Variants in ZNF277 observed in about 807,000 individuals in gnomAD.
ZNF277 encodes nuclear receptor-interacting factor 4.
In ZNF277, 55 loss-of-function variants were observed where a neutral mutation model predicts 60.7. The ratio of observed to expected loss-of-function variants is 0.91; its 90% confidence interval spans 0.73 to 1.13. The LOEUF (loss-of-function observed/expected upper bound fraction) is 1.13. Among genes scored for constraint, ZNF277 ranks in the 50% most tolerant of loss-of-function variants. The probability of loss-of-function intolerance (pLI) is 0.00; values close to 1 mark genes in which losing one functional copy is unlikely to be tolerated. For missense variants in ZNF277, 510 were observed against 523.0 expected (o/e 0.98, Z 0.24); for synonymous variants, 178 against 179.3 (o/e 0.99, Z 0.06).
At chr7:112,317,996 G>A (rs1263588966) in intron 4 of ZNF277, among the ~76,000 whole-genome samples, 186 bp from the exon 5 acceptor site, 2 of 152,068 alleles carry the variant, frequency 1.3e-5, no homozygotes, top group African/African-American at 4.8e-5. Context: ...GGAGTGTTCT[G>A]TAAGCATTTT....
intron 4 of ZNF277, among the ~76,000 whole-genome samples, chr7:112,316,841 AC>A (rs1338184779): frequency 1.3e-5 from 2 of 152,076 alleles, no homozygotes; most frequent in African/African-American, 4.8e-5. Context: ...TACTATAAAG[AC>A]ACATGCACAC....
At chr7:112,324,858 T>C (rs1216299591) in intron 5 of ZNF277, among the ~76,000 whole-genome samples, 1 of 152,146 alleles carries the variant, frequency 6.6e-6, no homozygotes, top group Admixed American at 6.6e-5. Context: ...AAGCCAGTGG[T>C]AAATTCAGTC....
At chr7:112,272,588 G>T (rs772731600) in intron 1 of ZNF277, among the ~76,000 whole-genome samples, 5 of 152,178 alleles carry the variant, frequency 3.3e-5, no homozygotes, top group African/African-American at 1.2e-4. Flanking sequence ...CTGCCTCCCA[G>T]ATTCAAACGA....
intron 1 of ZNF277, among the ~76,000 whole-genome samples, chr7:112,228,442 A>G (rs771698690): frequency 7.6e-4 from 95 of 125,620 alleles, no homozygotes; most frequent in Non-Finnish European, 1.4e-3. Context: ...TTCTTTCTGG[A>G]AGAGGAGAGG....
chr7:112,319,785 A>T (rs2117114270), intron 5 of ZNF277, among the ~76,000 whole-genome samples: 1 of 151,654 alleles, frequency 6.6e-6, no homozygotes, highest in South Asian at 2.1e-4. Flanking sequence ...CAGATCAGTT[A>T]GCATAGAGAA....
At chr7:112,287,489 T>TA (rs531657556) in intron 2 of ZNF277, 122 of 144,746 alleles carry the variant, frequency 8.4e-4, no homozygotes, top group South Asian at 1.5e-3. Flanking sequence ...TCCTTAGACT[T>TA]AAAAAAAAAA....
At chr7:112,257,655 T>C (rs982930915) in intron 1 of ZNF277, among the ~76,000 whole-genome samples, 1 of 152,168 alleles carries the variant, frequency 6.6e-6, no homozygotes, top group African/African-American at 2.4e-5. Flanking sequence ...TTCAGCTTGA[T>C]GTTAGAGTAA....
chr7:112,211,795 C>G (rs1363034299), intron 1 of ZNF277, among the ~76,000 whole-genome samples: 1 of 152,208 alleles, frequency 6.6e-6, no homozygotes, highest in Non-Finnish European at 1.5e-5. Flanking sequence ...CCATGTCACA[C>G]TGTAGTTATT....
intron 6 of ZNF277, among the ~76,000 whole-genome samples, chr7:112,329,231 G>A (rs936338916): frequency 6.6e-6 from 1 of 152,096 alleles, no homozygotes; most frequent in African/African-American, 2.4e-5. Context: ...AGTTTCCCAT[G>A]TAAAATATAT....
At chr7:112,211,373 A>G (rs562422875) in intron 1 of ZNF277, among the ~76,000 whole-genome samples, 2 of 152,178 alleles carry the variant, frequency 1.3e-5, no homozygotes, top group Admixed American at 6.5e-5. Flanking sequence ...ATTCATAGCT[A>G]CAGCCACTGT....
rs561602156 is a variant in ZNF277 at position 112,254,981 on chromosome 7, AAAACAAAC to A, written c.92-31880_92-31873del. 1.4e-4 allele frequency among the ~76,000 whole-genome samples: 22 copies of A among 152,234 alleles called. No individual in the cohort carries two copies. In the East Asian group the frequency reaches 1.9e-3, roughly 13 times the overall value. ...GAGCCAGATCCTGTCTCAAAGAAACAAAACAAACAAACAAACAAAAAAAACAAGTGATT... is the reference window on the plus strand; with the variant it reads ...GAGCCAGATCCTGTCTCAAAGAAACAAAACAAACAAAAAAAACAAGTGATT... On this transcript the variant is annotated intron_variant, in intron 1 of 11. Transcript: ENST00000361822.
At position 112,206,810 on chromosome 7, in the gene ZNF277, G is replaced by C. The variant is rs1821493730; in HGVS notation, c.91+3G>C. On this transcript the variant is annotated splice_donor_region_variant and intron_variant, in intron 1 of 11. Coordinates refer to ENST00000361822, the MANE Select transcript of ZNF277 (RefSeq NM_021994.3). ...AGTCGGGGGTGTAGGTTATGGGGGT[G>C]AGTACGGTGCCCCGGAGGCGCGGCT... is the stretch of plus-strand genomic sequence containing the variant. The C allele has an allele frequency of 6.2e-7, 1 of 1,612,696 alleles. No homozygotes were observed. The highest frequency in any genetic ancestry group is 1.3e-5 in the African/African-American group (1 of 74,954).
At chr7:112,313,525 AT>A (rs1019118804) in intron 4 of ZNF277, among the ~76,000 whole-genome samples, 1 of 152,076 alleles carries the variant, frequency 6.6e-6, no homozygotes, top group African/African-American at 2.4e-5. Context: ...AGTAAAAATG[AT>A]TTTTTAACAG....
chr7:112,316,491 A>AT (rs1170587386), intron 4 of ZNF277, among the ~76,000 whole-genome samples: 1 of 151,556 alleles, frequency 6.6e-6, no homozygotes, highest in Non-Finnish European at 1.5e-5. Context: ...GATTGCAAAA[A>AT]TTTTCTCCCG....
intron 4 of ZNF277, among the ~76,000 whole-genome samples, chr7:112,314,645 A>T (rs549507376): frequency 7.2e-5 from 11 of 152,038 alleles, no homozygotes; most frequent in African/African-American, 2.4e-4. Context: ...AAATACAGAA[A>T]ATTAACCGGG....
At chr7:112,337,183 G>T (rs1793350944) in intron 8 of ZNF277, among the ~76,000 whole-genome samples, 1 of 152,338 alleles carries the variant, frequency 6.6e-6, no homozygotes, top group African/African-American at 2.4e-5. Flanking sequence ...AAGGAGCGGG[G>T]AAAGTGGTAA....
intron 1 of ZNF277, among the ~76,000 whole-genome samples, chr7:112,211,160 A>G (rs1474542269): frequency 6.6e-6 from 1 of 152,154 alleles, no homozygotes; most frequent in Non-Finnish European, 1.5e-5. Context: ...CTCATGTGTG[A>G]TGTCTCTGGA....
At chr7:112,249,681 A>G (rs1477317293) in intron 1 of ZNF277, among the ~76,000 whole-genome samples, 2 of 152,348 alleles carry the variant, frequency 1.3e-5, no homozygotes, top group East Asian at 1.9e-4. Context: ...TGAAGATTTC[A>G]TGGACATTTA....
chr7:112,318,502 T>A (rs766793925), intron 5 of ZNF277, among the ~76,000 whole-genome samples: 37 of 152,074 alleles, frequency 2.4e-4, no homozygotes, highest in Non-Finnish European at 3.8e-4. Flanking sequence ...ATGTTTAATA[T>A]TACAGGACTT....
Sources: allele counts gnomAD v4.1 joint callset (sites outside exome capture counted in the v4.1 genomes callset), GRCh38; gene constraint gnomAD v4.1.1; transcripts MANE v1.5; gene names NCBI Gene and HGNC (gene_info 2026-07-23, HGNC 2026-07-21).